The following GPC5 variants were observed in gnomAD, a reference collection of about 807,000 sequenced individuals.
The protein encoded by GPC5 is glypican 5, also known as glypican-5.
In GPC5, 47 loss-of-function variants were observed where a neutral mutation model predicts 53.9. The observed-to-expected ratio is 0.87, with a 90% CI of 0.69 to 1.11. The LOEUF is 1.11. GPC5 is among the 50% of genes most tolerant of loss of function. The probability of loss-of-function intolerance (pLI) is 0.00; values close to 1 mark genes in which losing one functional copy is unlikely to be tolerated. For synonymous variants in GPC5, 286 were observed against 263.3 expected, an observed-to-expected ratio of 1.09 and a Z score of -0.84; for missense variants, 748 against 713.1, an observed-to-expected ratio of 1.05 and a Z score of -0.56.
At chr13:92,803,972 T>G (rs1474240064) in intron 7 of GPC5, among the ~76,000 whole-genome samples, 15 of 151,992 alleles carry the variant, frequency 9.9e-5, no homozygotes, top group Non-Finnish European at 7.4e-5. Flanking sequence ...AGTTGAGTTT[T>G]AAAGAGAAAA....
intron 7 of GPC5, among the ~76,000 whole-genome samples, chr13:92,739,621 C>T (rs1222868219): frequency 6.6e-6 from 1 of 151,676 alleles, no homozygotes; most frequent in East Asian, 1.9e-4. Flanking sequence ...CCTTTTCAAA[C>T]TATCATTACG....
chr13:91,967,641 A>G (rs2040193391), intron 6 of GPC5, among the ~76,000 whole-genome samples: 1 of 152,028 alleles, frequency 6.6e-6, no homozygotes, highest in Non-Finnish European at 1.5e-5. Flanking sequence ...CATCATTTCC[A>G]TGGCTATGTA....
At chr13:92,191,197 A>G (rs920720043) in intron 7 of GPC5, among the ~76,000 whole-genome samples, 1 of 152,204 alleles carries the variant, frequency 6.6e-6, no homozygotes, top group Non-Finnish European at 1.5e-5. Context: ...ACCTAATAAC[A>G]AAGTGTCAAA....
At chr13:92,296,250 C>T (rs577777849) in intron 7 of GPC5, among the ~76,000 whole-genome samples, 1 of 152,198 alleles carries the variant, frequency 6.6e-6, no homozygotes. Context: ...AGCCTCCCGC[C>T]AGGAGGTGGC....
At chr13:92,182,663 G>A (rs912286127) in intron 7 of GPC5, among the ~76,000 whole-genome samples, 8 of 152,034 alleles carry the variant, frequency 5.3e-5, no homozygotes, top group African/African-American at 9.7e-5. Context: ...TCAGGAGATC[G>A]AGACCATCCT....
intron 2 of GPC5, among the ~76,000 whole-genome samples, chr13:91,498,339 A>G (rs1458227301): frequency 6.6e-6 from 1 of 150,890 alleles, no homozygotes; most frequent in Non-Finnish European, 1.5e-5. Context: ...GCCCCCAGGA[A>G]ATTTTAAGTT....
chr13:92,862,107 C>T (rs1185266120), intron 7 of GPC5, among the ~76,000 whole-genome samples: 1 of 152,102 alleles, frequency 6.6e-6, no homozygotes, highest in Admixed American at 6.6e-5. Flanking sequence ...TCAATGAGGA[C>T]CACATTTGAA....
intron 7 of GPC5, among the ~76,000 whole-genome samples, chr13:92,715,022 G>A (rs564942828): frequency 4.2e-4 from 64 of 152,210 alleles, no homozygotes; most frequent in African/African-American, 1.4e-3. Flanking sequence ...CCAAGATCAC[G>A]CCACTGCACT....
intron 7 of GPC5, among the ~76,000 whole-genome samples, chr13:92,827,508 GTCT>G (rs1279935734): frequency 6.6e-6 from 1 of 152,106 alleles, no homozygotes; most frequent in African/African-American, 2.4e-5. Flanking sequence ...GGTCAGGCAT[GTCT>G]TCTTCACGTT....
intron 7 of GPC5, among the ~76,000 whole-genome samples, chr13:92,285,006 C>T (rs2042943510): frequency 6.6e-6 from 1 of 152,056 alleles, no homozygotes; most frequent in Non-Finnish European, 1.5e-5. Flanking sequence ...TCGTCTCAGC[C>T]CAAAATCTCT....
intron 6 of GPC5, among the ~76,000 whole-genome samples, chr13:91,912,840 T>C (rs922276480): frequency 2.0e-5 from 3 of 152,166 alleles, no homozygotes; most frequent in African/African-American, 7.2e-5. Context: ...AAACTAACAA[T>C]ATGTTCCTTA....
intron 6 of GPC5, among the ~76,000 whole-genome samples, chr13:92,008,890 CAT>C (rs1163331357): frequency 2.0e-5 from 3 of 151,944 alleles, no homozygotes; most frequent in East Asian, 1.9e-4. Flanking sequence ...CTTCAATTTG[CAT>C]AGTTTCTATT....
At chr13:92,714,223 C>T (rs1330686329) in intron 7 of GPC5, among the ~76,000 whole-genome samples, 1 of 152,160 alleles carries the variant, frequency 6.6e-6, no homozygotes, top group Non-Finnish European at 1.5e-5. Flanking sequence ...ATCTTTCCCT[C>T]CCATCTGCTG....
intron 7 of GPC5, among the ~76,000 whole-genome samples, chr13:92,755,367 A>T (rs1874814638): frequency 7.0e-6 from 1 of 142,648 alleles, no homozygotes; most frequent in South Asian, 2.4e-4. Context: ...AATGCCCACA[A>T]GAGAAAGCAG....
intron 5 of GPC5, among the ~76,000 whole-genome samples, chr13:91,779,695 A>T (rs1321825802): frequency 6.6e-5 from 10 of 152,172 alleles, no homozygotes; most frequent in African/African-American, 2.4e-4. Flanking sequence ...TTAAAAACAA[A>T]GACACAAACA....
At chr13:92,283,482 A>G (rs1458644384) in intron 7 of GPC5, among the ~76,000 whole-genome samples, 3 of 152,232 alleles carry the variant, frequency 2.0e-5, no homozygotes, top group African/African-American at 7.2e-5. Flanking sequence ...AATTGACCAC[A>G]TAGTTGGAAG....
chr13:92,056,959 C>T (rs190329189), intron 6 of GPC5, among the ~76,000 whole-genome samples: 3 of 152,128 alleles, frequency 2.0e-5, no homozygotes, highest in Admixed American at 6.5e-5. Flanking sequence ...GCTAAATACC[C>T]TGTAAAGACC....
chr13:91,425,663 C>T (rs149620771), intron 1 of GPC5, among the ~76,000 whole-genome samples: 5,393 of 152,292 alleles, frequency 0.035, 142 homozygotes, highest in Middle Eastern at 0.068. Flanking sequence ...ATAAATTACC[C>T]AGTCTTGGGT....
At chr13:92,803,666 G>A (rs2138790056) in intron 7 of GPC5, among the ~76,000 whole-genome samples, 1 of 151,874 alleles carries the variant, frequency 6.6e-6, no homozygotes, top group Admixed American at 6.6e-5. Context: ...CTTTTTCTCA[G>A]AGGTTTTATT....
Sources: allele counts gnomAD v4.1 joint callset (sites outside exome capture counted in the v4.1 genomes callset), GRCh38; gene constraint gnomAD v4.1.1; transcripts MANE v1.5; gene names NCBI Gene and HGNC (gene_info 2026-07-23, HGNC 2026-07-21).